SAMD12: variants seen among roughly 807,000 people sequenced by gnomAD.
SAMD12 encodes the protein sterile alpha motif domain containing 12.
Under a neutral mutation model 15.0 loss-of-function variants are expected in SAMD12, and 9 were observed. The ratio of observed to expected loss-of-function variants is 0.60; its 90% confidence interval spans 0.36 to 1.05. SAMD12 has a LOEUF of 1.05. SAMD12 is among the 50% of genes least tolerant of loss of function. The pLI, the probability that SAMD12 is intolerant of heterozygous loss-of-function variation, is 0.01. For missense variants in SAMD12, 230 were observed against 234.2 expected (o/e 0.98, Z 0.12); for synonymous variants, 86 against 90.1 (o/e 0.96, Z 0.25).
intron 1 of SAMD12, among the ~76,000 whole-genome samples, chr8:118,612,014 C>A (rs545175964): frequency 2.0e-5 from 3 of 152,116 alleles, no homozygotes; most frequent in African/African-American, 7.2e-5. Flanking sequence ...ATCAGAATCA[C>A]ACAGCACAGC....
intron 4 of SAMD12, among the ~76,000 whole-genome samples, chr8:118,226,502 C>T (rs1812191389): frequency 6.6e-6 from 1 of 152,158 alleles, no homozygotes; most frequent in Non-Finnish European, 1.5e-5. Context: ...CTTTAACACT[C>T]ACCCTGAAAG....
the SAMD12 span, among the ~76,000 whole-genome samples, chr8:118,155,170 T>C: frequency 6.6e-6 from 1 of 152,202 alleles, no homozygotes; most frequent in African/African-American, 2.4e-5. Context: ...TTATATCTAA[T>C]GTATTATAAA....
rs772024970 is a variant in SAMD12, at chr8:118,496,223, A to G, written c.193-56262T>C. Among the ~76,000 whole-genome samples, 59 of 152,226 alleles carry G rather than the reference A, an allele frequency of 3.9e-4. 1 individual carries two copies. The highest frequency in any genetic ancestry group is 4.1e-4 in the South Asian group (2 of 4,832). ...TTAGAAAAAATATTCTAAACTTCAT[A>G]TGGAACAAAATAATAACCCATAATG... On this transcript the variant is annotated intron_variant, in intron 2 of 3. Transcript: ENST00000314727.
chr8:118,308,581 A>G (rs1252116141), intron 4 of SAMD12, among the ~76,000 whole-genome samples: 2 of 152,198 alleles, frequency 1.3e-5, no homozygotes, highest in East Asian at 1.9e-4. Context: ...TCATCACACA[A>G]TATTTTCCCA....
At chr8:118,595,579 C>T (rs1827703612) in intron 1 of SAMD12, among the ~76,000 whole-genome samples, 1 of 152,184 alleles carries the variant, frequency 6.6e-6, no homozygotes, top group Non-Finnish European at 1.5e-5. Flanking sequence ...TCAATCCAAG[C>T]ATTTGCCTCC....
At chr8:118,202,374 T>C (rs1819738801) in intron 4 of SAMD12, among the ~76,000 whole-genome samples, 1 of 152,118 alleles carries the variant, frequency 6.6e-6, no homozygotes, top group Non-Finnish European at 1.5e-5. Context: ...GGCAGATAAC[T>C]GTCTTCCTGC....
intron 2 of SAMD12, among the ~76,000 whole-genome samples, chr8:118,572,261 G>A (rs575542849): frequency 6.6e-6 from 1 of 152,338 alleles, no homozygotes; most frequent in South Asian, 2.1e-4. Context: ...CCTGTAGGAA[G>A]TAACTAACCT....
intron 2 of SAMD12, among the ~76,000 whole-genome samples, chr8:118,552,545 C>A (rs1345114690): frequency 6.6e-6 from 1 of 152,116 alleles, no homozygotes; most frequent in Non-Finnish European, 1.5e-5. Flanking sequence ...ATAATAAGAG[C>A]TATCTATGAC....
intron 4 of SAMD12, among the ~76,000 whole-genome samples, chr8:118,280,902 C>A (rs984311473): frequency 3.9e-5 from 6 of 152,124 alleles, no homozygotes; most frequent in African/African-American, 1.4e-4. Context: ...TTTAAGTGAC[C>A]AGAGTGTATT....
chr8:118,519,902 A>G (rs950088218), intron 2 of SAMD12, among the ~76,000 whole-genome samples: 7 of 152,226 alleles, frequency 4.6e-5, no homozygotes, highest in African/African-American at 1.7e-4. Flanking sequence ...TGATCAAGCT[A>G]TAAGAGTACC....
At chr8:118,162,093 GA>G in the SAMD12 span, among the ~76,000 whole-genome samples, 1 of 151,098 alleles carries the variant, frequency 6.6e-6, no homozygotes, top group Admixed American at 6.6e-5. Context: ...CTGGAAGGCG[GA>G]GGTTTCAGTG....
the SAMD12 span, among the ~76,000 whole-genome samples, chr8:118,146,252 G>A: frequency 6.6e-6 from 1 of 152,178 alleles, no homozygotes; most frequent in African/African-American, 2.4e-5. Flanking sequence ...AAGCATTGTG[G>A]GAGAGAAAGC....
intron 3 of SAMD12, among the ~76,000 whole-genome samples, chr8:118,422,030 A>T (rs1303161768): frequency 1.3e-5 from 2 of 152,238 alleles, no homozygotes; most frequent in Admixed American, 6.5e-5. Context: ...GAAGTTGCAG[A>T]TAGGGAAGTA....
intron 3 of SAMD12, among the ~76,000 whole-genome samples, chr8:118,402,767 A>C (rs1341163441): frequency 6.6e-6 from 1 of 152,240 alleles, no homozygotes; most frequent in Non-Finnish European, 1.5e-5. Flanking sequence ...GCTGGCATTC[A>C]CTAAGACAAT....
chr8:118,521,784 A>C (rs1220292709), intron 2 of SAMD12, among the ~76,000 whole-genome samples: 1 of 152,188 alleles, frequency 6.6e-6, no homozygotes, highest in Non-Finnish European at 1.5e-5. Context: ...ATTAAATGTC[A>C]TATTACTGCA....
At position 118,288,480 on chromosome 8, in the gene SAMD12, C is replaced by G. The variant is rs576102101; in HGVS notation, c.434-90748G>C. On this transcript the variant is annotated intron_variant, in intron 4 of 4. Transcript: ENST00000409003. ...TTTCTATTGGAATTAAAGTTTGCAA[C>G]CTTTGGAGACTAGAAATCTAAGGCA... 1.8e-4 allele frequency: 28 copies of G among 152,116 alleles called. 1 individual carries two copies. The highest frequency in any genetic ancestry group is 1.6e-3 in the Admixed American group (25 of 15,268). 9.4% of individuals were successfully genotyped at this position (152,116 alleles called of 1,614,324 possible). A position where few individuals can be genotyped will look rare whatever the true frequency, so the allele number is the denominator to read the frequency against.
chr8:118,478,038 A>C (rs1175277179), intron 2 of SAMD12, among the ~76,000 whole-genome samples: 1 of 146,950 alleles, frequency 6.8e-6, no homozygotes, highest in Admixed American at 6.9e-5. Context: ...AAAAAGAATT[A>C]TATATATTCA....
intron 4 of SAMD12, among the ~76,000 whole-genome samples, chr8:118,281,382 C>T (rs1278234228): frequency 6.6e-6 from 1 of 152,116 alleles, no homozygotes; most frequent in East Asian, 1.9e-4. Context: ...GCTCCGAGGG[C>T]CTGGAATGCA....
chr8:118,138,249 T>C, the SAMD12 span, among the ~76,000 whole-genome samples: 4 of 152,184 alleles, frequency 2.6e-5, no homozygotes, highest in South Asian at 2.1e-4. Flanking sequence ...AGATAATGTA[T>C]AGAAGCACTG....
Sources: allele counts gnomAD v4.1 joint callset (sites outside exome capture counted in the v4.1 genomes callset), GRCh38; gene constraint gnomAD v4.1.1; transcripts MANE v1.5; gene names NCBI Gene and HGNC (gene_info 2026-07-23, HGNC 2026-07-21).